Variants in UBE2D3 observed in about 807,000 individuals in gnomAD.
UBE2D3 encodes ubiquitin-conjugating enzyme E2 D3.
Under a neutral mutation model 22.8 loss-of-function variants are expected in UBE2D3, and 2 were observed. The observed-to-expected ratio is 0.09, with a 90% CI of 0.04 to 0.28. UBE2D3 has a LOEUF of 0.28. UBE2D3 is among the 10% of genes least tolerant of loss of function. The pLI is 1.00. For synonymous variants in UBE2D3, 56 were observed against 60.4 expected, an observed-to-expected ratio of 0.93 and a Z score of 0.34; for missense variants, 27 against 182.5, an observed-to-expected ratio of 0.15 and a Z score of 4.91.
chr4:102,838,215 C>T (rs72931892), intron 1 of UBE2D3, among the ~76,000 whole-genome samples: 2,203 of 152,260 alleles, frequency 0.014, 46 homozygotes, highest in African/African-American at 0.048. Flanking sequence ...GAAAAATTCA[C>T]GCGAACTAAA....
intron 4 of UBE2D3, among the ~76,000 whole-genome samples, chr4:102,807,737 G>C (rs1032511725): frequency 6.6e-6 from 1 of 152,132 alleles, no homozygotes; most frequent in Non-Finnish European, 1.5e-5. Flanking sequence ...TAAGTAAACT[G>C]CTAAAAAATC....
chr4:102,863,235 G>T (rs1299136062), intron 1 of UBE2D3, among the ~76,000 whole-genome samples: 1 of 151,968 alleles, frequency 6.6e-6, no homozygotes, highest in African/African-American at 2.4e-5. Context: ...ATTTTTAGTA[G>T]AGATGGGGTT....
At chr4:102,855,867 A>C (rs1732595755) in intron 1 of UBE2D3, among the ~76,000 whole-genome samples, 1 of 152,218 alleles carries the variant, frequency 6.6e-6, no homozygotes, top group Admixed American at 6.5e-5. Context: ...AATAATAAAC[A>C]ATTTTGGAAG....
intron 2 of UBE2D3, among the ~76,000 whole-genome samples, chr4:102,823,475 G>A (rs1729953937): frequency 6.6e-6 from 1 of 152,118 alleles, no homozygotes; most frequent in Non-Finnish European, 1.5e-5. Flanking sequence ...AAACACTAAA[G>A]TCATACTTCC....
Position 102,802,525 on chromosome 4 carries a change from A to T in UBE2D3, c.198+36T>A, listed in dbSNP as rs1009207343. 12 of 1,542,242 alleles carry T rather than the reference A, an allele frequency of 7.8e-6. No individual in the cohort carries two copies. The African/African-American group carries it at 1.5e-4, about 20-fold the overall frequency. ...CTCTATTCCTTTGAAATAAAGCATAAATCTATACTAACAGATTTTGAGGGA... is the reference window on the plus strand; with the variant it reads ...CTCTATTCCTTTGAAATAAAGCATATATCTATACTAACAGATTTTGAGGGA... On this transcript the variant is annotated intron_variant, in intron 5 of 7. Transcript: ENST00000453744.
chr4:102,848,921 CTGTGTGTGTGTGTGTGTGTGTGTGTGTG>C (rs147050383), intron 1 of UBE2D3, among the ~76,000 whole-genome samples: 1 of 142,738 alleles, frequency 7.0e-6, no homozygotes, highest in Non-Finnish European at 1.5e-5. Context: ...TTATGTGTGC[CTGTGTGTGTGTGTGTGTGTGTGTGTGTG>C]TGTGTGTGTG....
chr4:102,856,917 G>C (rs1210045446), intron 1 of UBE2D3, among the ~76,000 whole-genome samples: 1 of 152,142 alleles, frequency 6.6e-6, no homozygotes, highest in Non-Finnish European at 1.5e-5. Context: ...GGGTAAATAG[G>C]TGGAGCATAG....
At chr4:102,864,104 T>G (rs751325161) in intron 1 of UBE2D3, among the ~76,000 whole-genome samples, 13 of 152,216 alleles carry the variant, frequency 8.5e-5, no homozygotes, top group Non-Finnish European at 1.5e-4. Context: ...TTTTAATTGC[T>G]ATCTATGTCT....
chr4:102,806,189 T>C (rs1283607492), intron 4 of UBE2D3, among the ~76,000 whole-genome samples: 1 of 152,218 alleles, frequency 6.6e-6, no homozygotes, highest in East Asian at 1.9e-4. Flanking sequence ...GGTGCCCATC[T>C]AGTTTCATCT....
chr4:102,826,740 G>T, intron 1 of UBE2D3, 104 bp from the exon 2 acceptor site: 2 of 1,417,978 alleles, frequency 1.4e-6, no homozygotes, highest in Non-Finnish European at 1.8e-6. Flanking sequence ...GTGGGGTGGC[G>T]TGGCAAAGCC....
At chr4:102,845,306 C>T (rs113685998) in intron 1 of UBE2D3, among the ~76,000 whole-genome samples, 1,808 of 152,272 alleles carry the variant, frequency 0.012, 21 homozygotes, top group African/African-American at 0.036. Context: ...AGGCTTAGGG[C>T]AATGATTCCC....
chr4:102,856,820 G>T (rs543565267), intron 1 of UBE2D3, among the ~76,000 whole-genome samples: 2 of 152,250 alleles, frequency 1.3e-5, no homozygotes, highest in Admixed American at 1.3e-4. Flanking sequence ...AGAGATTGAG[G>T]TTTTAAATAT....
intron 7 of UBE2D3, chr4:102,799,032 T>C (rs1413633182): frequency 6.6e-7 from 1 of 1,507,452 alleles, no homozygotes; most frequent in Admixed American, 1.7e-5. Flanking sequence ...TTATAATGGT[T>C]AAGTTGAACA....
chr4:102,806,793 A>C (rs1468650410), intron 4 of UBE2D3, among the ~76,000 whole-genome samples: 1 of 152,204 alleles, frequency 6.6e-6, no homozygotes, highest in East Asian at 1.9e-4. Context: ...TTCTAATTAC[A>C]TCAATTCTTG....
intron 1 of UBE2D3, among the ~76,000 whole-genome samples, chr4:102,839,179 A>G (rs1329560043): frequency 6.6e-6 from 1 of 152,238 alleles, no homozygotes; most frequent in African/African-American, 2.4e-5. Context: ...TTTCAAATGG[A>G]ATAGAAACTG....
At chr4:102,868,427 G>A (rs1378145706) in intron 1 of UBE2D3, among the ~76,000 whole-genome samples, 2 of 152,178 alleles carry the variant, frequency 1.3e-5, no homozygotes, top group Non-Finnish European at 2.9e-5. Context: ...TCTAAGGAAG[G>A]ACTACTACGA....
intron 2 of UBE2D3, chr4:102,811,564 C>A: frequency 3.6e-6 from 1 of 276,166 alleles, no homozygotes; most frequent in Non-Finnish European, 7.1e-6. Flanking sequence ...GCCTGTAATC[C>A]CAGCTACTCG....
At chr4:102,822,740 C>A (rs1234437082) in intron 2 of UBE2D3, among the ~76,000 whole-genome samples, 1 of 151,880 alleles carries the variant, frequency 6.6e-6, no homozygotes, top group Admixed American at 6.6e-5. Flanking sequence ...TCAAGACCAT[C>A]CTGGTTAACA....
upstream of UBE2D3, among the ~76,000 whole-genome samples, chr4:102,830,987 T>A (rs1731086975): frequency 6.6e-6 from 1 of 152,254 alleles, no homozygotes; most frequent in Non-Finnish European, 1.5e-5. Flanking sequence ...AGTAAGGGGT[T>A]AATTAGAATG....
Sources: gnomAD v4.1 joint callset for allele counts (sites outside exome capture counted in the v4.1 genomes callset) on GRCh38, gnomAD v4.1.1 for gene constraint, MANE v1.5 for transcripts, NCBI Gene and HGNC (gene_info 2026-07-23, HGNC 2026-07-21) for gene names.